Variants in SCHIP1 observed in about 807,000 individuals in gnomAD.
SCHIP1 encodes the protein schwannomin interacting protein 1, also known as schwannomin-interacting protein 1.
Under a neutral mutation model 29.7 loss-of-function variants are expected in SCHIP1, and 8 were observed. That is an observed-to-expected ratio of 0.27 (90% CI 0.16 to 0.49). The LOEUF is 0.49. Ranked by LOEUF, SCHIP1 falls within the 20% of genes least tolerant of loss-of-function variation. The probability of loss-of-function intolerance (pLI) is 0.99; values close to 1 mark genes in which losing one functional copy is unlikely to be tolerated. For missense variants in SCHIP1, 193 were observed against 294.6 expected, an observed-to-expected ratio of 0.66 and a Z score of 2.52; for synonymous variants, 76 against 94.9, an observed-to-expected ratio of 0.80 and a Z score of 1.16.
the SCHIP1 span, among the ~76,000 whole-genome samples, chr3:159,358,826 C>T: frequency 4.0e-5 from 6 of 150,898 alleles, no homozygotes; most frequent in South Asian, 2.1e-4. Flanking sequence ...GCTTAGGCTG[C>T]GCTTATGAGA....
the SCHIP1 span, among the ~76,000 whole-genome samples, chr3:159,719,005 A>C: frequency 2.2e-4 from 34 of 152,304 alleles, no homozygotes; most frequent in Middle Eastern, 3.4e-3. Flanking sequence ...ACAGTAACCA[A>C]AACAGCATGG....
intron 1 of SCHIP1, among the ~76,000 whole-genome samples, chr3:159,855,157 G>T (rs1180949138): frequency 6.6e-6 from 1 of 152,084 alleles, no homozygotes; most frequent in African/African-American, 2.4e-5. Flanking sequence ...TAAACATGAG[G>T]GTTGTTCTCT....
the SCHIP1 span, among the ~76,000 whole-genome samples, chr3:159,653,508 G>A: frequency 7.2e-6 from 1 of 139,684 alleles, no homozygotes; most frequent in Non-Finnish European, 1.5e-5. Context: ...AATACCTCAT[G>A]TTCTCACTTA....
At chr3:159,640,386 G>A in the SCHIP1 span, among the ~76,000 whole-genome samples, 1 of 152,114 alleles carries the variant, frequency 6.6e-6, no homozygotes, top group African/African-American at 2.4e-5. Flanking sequence ...AGGTCTGAGT[G>A]TGGGCGGTCA....
the SCHIP1 span, among the ~76,000 whole-genome samples, chr3:159,608,692 G>C: frequency 6.6e-6 from 1 of 152,234 alleles, no homozygotes; most frequent in Non-Finnish European, 1.5e-5. Context: ...ACCTCAGCAA[G>C]AGTCTAACTC....
At chr3:159,397,600 C>T in the SCHIP1 span, among the ~76,000 whole-genome samples, 4 of 152,170 alleles carry the variant, frequency 2.6e-5, no homozygotes, top group Non-Finnish European at 2.9e-5. Flanking sequence ...TCAATCTTCC[C>T]CTGCTGGGGG....
chr3:159,494,455 A>G, the SCHIP1 span, among the ~76,000 whole-genome samples: 4 of 152,168 alleles, frequency 2.6e-5, no homozygotes, highest in African/African-American at 7.2e-5. Flanking sequence ...ACAAACTACC[A>G]TCAGAGAATA....
At chr3:159,707,307 T>C in the SCHIP1 span, among the ~76,000 whole-genome samples, 1 of 152,220 alleles carries the variant, frequency 6.6e-6, no homozygotes, top group Non-Finnish European at 1.5e-5. Flanking sequence ...TAGAGCTGAA[T>C]TCCATACCTT....
the SCHIP1 span, among the ~76,000 whole-genome samples, chr3:159,736,666 T>G: frequency 1.3e-5 from 2 of 151,848 alleles, no homozygotes; most frequent in South Asian, 4.2e-4. Flanking sequence ...TTCAGTCTAC[T>G]GCATGCCTGC....
At chr3:159,469,738 A>G in the SCHIP1 span, among the ~76,000 whole-genome samples, 1 of 152,182 alleles carries the variant, frequency 6.6e-6, no homozygotes, top group Non-Finnish European at 1.5e-5. Context: ...GAGTTATTTC[A>G]TTTATTCAAA....
the SCHIP1 span, among the ~76,000 whole-genome samples, chr3:159,452,948 GA>G: frequency 2.0e-5 from 3 of 152,184 alleles, no homozygotes; most frequent in Admixed American, 6.5e-5. Context: ...GCTCAGCCTA[GA>G]AAACCAAATT....
At chr3:159,600,597 T>A in the SCHIP1 span, among the ~76,000 whole-genome samples, 1 of 152,184 alleles carries the variant, frequency 6.6e-6, no homozygotes, top group Non-Finnish European at 1.5e-5. Context: ...ATTTTTTGTA[T>A]TTTTTTCAGA....
At chr3:159,766,397 C>G in the SCHIP1 span, among the ~76,000 whole-genome samples, 3 of 152,164 alleles carry the variant, frequency 2.0e-5, no homozygotes, top group African/African-American at 7.2e-5. Flanking sequence ...TTAGCATACT[C>G]ATTTTAATTC....
chr3:159,288,659 ACT>A, the SCHIP1 span, among the ~76,000 whole-genome samples: 1 of 152,178 alleles, frequency 6.6e-6, no homozygotes, highest in Non-Finnish European at 1.5e-5. Flanking sequence ...AATTGCTTGA[ACT>A]TTGGAGGCAG....
At chr3:159,637,570 C>T in the SCHIP1 span, among the ~76,000 whole-genome samples, 2 of 152,060 alleles carry the variant, frequency 1.3e-5, no homozygotes, top group African/African-American at 4.8e-5. Context: ...AATGAAAACT[C>T]GGGAAATGCA....
At chr3:159,303,639 A>G in the SCHIP1 span, among the ~76,000 whole-genome samples, 6 of 152,056 alleles carry the variant, frequency 3.9e-5, no homozygotes, top group Non-Finnish European at 5.9e-5. Context: ...GCTAGGGGAA[A>G]GCTGTGAAGG....
At chr3:159,457,701 TGGC>T in the SCHIP1 span, among the ~76,000 whole-genome samples, 1 of 152,262 alleles carries the variant, frequency 6.6e-6, no homozygotes, top group South Asian at 2.1e-4. Context: ...AGACCCCCAG[TGGC>T]TGACTGAAGC....
At chr3:159,504,839 C>T in the SCHIP1 span, among the ~76,000 whole-genome samples, 2 of 152,098 alleles carry the variant, frequency 1.3e-5, no homozygotes, top group Non-Finnish European at 2.9e-5. Context: ...AGCTGACAGT[C>T]CACAGGGGAC....
intron 2 of SCHIP1, among the ~76,000 whole-genome samples, chr3:159,881,434 C>G (rs1049721536): frequency 6.6e-6 from 1 of 152,284 alleles, no homozygotes; most frequent in East Asian, 1.9e-4. Flanking sequence ...CAATGGCTCT[C>G]GAGCCACACT....
Sources: gnomAD v4.1 joint callset for allele counts (sites outside exome capture counted in the v4.1 genomes callset) on GRCh38, gnomAD v4.1.1 for gene constraint, MANE v1.5 for transcripts, NCBI Gene and HGNC (gene_info 2026-07-23, HGNC 2026-07-21) for gene names.